The following SPIDR variants were observed in gnomAD, a reference collection of about 807,000 sequenced individuals.
SPIDR encodes the protein DNA repair-scaffolding protein.
Under a neutral mutation model 104.6 loss-of-function variants are expected in SPIDR, and 93 were observed. The ratio of observed to expected loss-of-function variants is 0.89; its 90% CI spans 0.75 to 1.06. SPIDR has a LOEUF of 1.06. SPIDR is among the 50% of genes least tolerant of loss of function. The probability of loss-of-function intolerance (pLI) is 0.00; values close to 1 mark genes in which losing one functional copy is unlikely to be tolerated. For missense variants in SPIDR, 1,154 were observed against 1,111.2 expected, an observed-to-expected ratio of 1.04 and a Z score of -0.55; for synonymous variants, 431 against 416.9, an observed-to-expected ratio of 1.03 and a Z score of -0.41.
At chr8:47,578,347 C>T (rs1265030060) in intron 8 of SPIDR, among the ~76,000 whole-genome samples, 1 of 152,098 alleles carries the variant, frequency 6.6e-6, no homozygotes, top group Non-Finnish European at 1.5e-5. Context: ...TGGCAGGCAC[C>T]TGTAATCCCA....
At chr8:47,360,038 T>G (rs2055441635) in intron 5 of SPIDR, among the ~76,000 whole-genome samples, 1 of 151,840 alleles carries the variant, frequency 6.6e-6, no homozygotes, top group Non-Finnish European at 1.5e-5. Flanking sequence ...GTCAGGAGAT[T>G]GAGACCATCC....
At chr8:47,346,677 G>A (rs2052131139) in intron 5 of SPIDR, among the ~76,000 whole-genome samples, 1 of 152,144 alleles carries the variant, frequency 6.6e-6, no homozygotes, top group Non-Finnish European at 1.5e-5. Context: ...CTTCTTCCTG[G>A]TTTAGTCTTG....
At chr8:47,502,426 G>A (rs534552755) in intron 8 of SPIDR, among the ~76,000 whole-genome samples, 37 of 152,196 alleles carry the variant, frequency 2.4e-4, no homozygotes, top group Non-Finnish European at 3.8e-4. Context: ...GTTTATTTGC[G>A]TAGAGGTGTT....
At chr8:47,312,744 T>C (rs1448003880) in intron 5 of SPIDR, among the ~76,000 whole-genome samples, 1 of 152,218 alleles carries the variant, frequency 6.6e-6, no homozygotes, top group Non-Finnish European at 1.5e-5. Context: ...CATTTGTCAA[T>C]TTTGGCTTTT....
At chr8:47,298,648 A>T (rs1216144461) in intron 5 of SPIDR, among the ~76,000 whole-genome samples, 2 of 152,176 alleles carry the variant, frequency 1.3e-5, no homozygotes, top group Non-Finnish European at 2.9e-5. Flanking sequence ...TAAGGAAGGG[A>T]TCTGGTTTCA....
rs1380252310 is a variant in SPIDR, at chr8:47,320,743, T to C, written c.525+26713T>C. Among the ~76,000 whole-genome samples the C allele has an allele frequency of 2.6e-5, 4 of 152,266 alleles. No individual in the cohort carries two copies. The East Asian group carries it at 7.7e-4, about 29-fold the overall frequency. On this transcript the variant is annotated intron_variant, in intron 5 of 19. Coordinates refer to ENST00000297423, the MANE Select transcript of SPIDR (RefSeq NM_001080394.4). ...ATCCAGCATCACATGGAAAAGCTTA[T>C]CCACCATGATCAAGTGGGCTTCATC...
At chr8:47,726,221 T>G (rs947319864) in intron 16 of SPIDR, among the ~76,000 whole-genome samples, 3 of 152,262 alleles carry the variant, frequency 2.0e-5, no homozygotes, top group Non-Finnish European at 4.4e-5. Context: ...ATTTTCATTT[T>G]TAAAAAGTCA....
intron 1 of SPIDR, among the ~76,000 whole-genome samples, chr8:47,278,544 T>G (rs2037067994): frequency 6.6e-6 from 1 of 152,032 alleles, no homozygotes; most frequent in Admixed American, 6.6e-5. Context: ...TGCTGACTAA[T>G]TTTTCTAAGG....
At chr8:47,446,600 T>TA (rs1355954904) in intron 8 of SPIDR, among the ~76,000 whole-genome samples, 5 of 150,484 alleles carry the variant, frequency 3.3e-5, no homozygotes, top group African/African-American at 1.2e-4. Flanking sequence ...TTTTTTTTTT[T>TA]AAATGAGATG....
At chr8:47,424,355 A>T (rs1489556057) in intron 7 of SPIDR, among the ~76,000 whole-genome samples, 16 of 152,316 alleles carry the variant, frequency 1.1e-4, no homozygotes, top group Admixed American at 8.5e-4. Context: ...CCCAGGCATG[A>T]GTACAGTGGC....
intron 16 of SPIDR, among the ~76,000 whole-genome samples, chr8:47,723,798 A>G (rs547404386): frequency 1.3e-4 from 20 of 152,164 alleles, no homozygotes; most frequent in Middle Eastern, 6.8e-3. Flanking sequence ...CAGCCAATCA[A>G]GTCCACTTTC....
At chr8:47,415,305 C>A (rs1359193677) in intron 7 of SPIDR, among the ~76,000 whole-genome samples, 1 of 152,104 alleles carries the variant, frequency 6.6e-6, no homozygotes, top group Admixed American at 6.5e-5. Context: ...CCCAGTTTCC[C>A]CCGGTAATGA....
intron 7 of SPIDR, among the ~76,000 whole-genome samples, chr8:47,410,660 T>A (rs563526048): frequency 2.2e-4 from 33 of 151,854 alleles, no homozygotes; most frequent in African/African-American, 5.6e-4. Flanking sequence ...AGAAGTCTTT[T>A]TTATTATTAT....
chr8:47,602,568 C>G (rs1434418103), intron 10 of SPIDR, among the ~76,000 whole-genome samples: 1 of 152,184 alleles, frequency 6.6e-6, no homozygotes, highest in East Asian at 1.9e-4. Context: ...CCCCACCCAG[C>G]CCAGGTCAGG....
chr8:47,504,647 T>C (rs1261217829), intron 8 of SPIDR, among the ~76,000 whole-genome samples: 3 of 152,076 alleles, frequency 2.0e-5, no homozygotes. Flanking sequence ...TCAAAGTCAT[T>C]CTCCGTCCAG....
intron 5 of SPIDR, among the ~76,000 whole-genome samples, chr8:47,329,659 A>T (rs2048325578): frequency 6.6e-6 from 1 of 152,054 alleles, no homozygotes; most frequent in African/African-American, 2.4e-5. Context: ...CCTCCTTTTT[A>T]TGCTATTATT....
chr8:47,403,309 C>G (rs545805975), intron 6 of SPIDR, among the ~76,000 whole-genome samples: 1 of 152,302 alleles, frequency 6.6e-6, no homozygotes, highest in Non-Finnish European at 1.5e-5. Context: ...CAGGGATGCC[C>G]TCTCTCACCA....
intron 16 of SPIDR, among the ~76,000 whole-genome samples, chr8:47,717,973 C>T (rs1455496651): frequency 6.6e-6 from 1 of 152,152 alleles, no homozygotes; most frequent in Non-Finnish European, 1.5e-5. Context: ...ATGAGAGCAG[C>T]CCTGGGGCAC....
At chr8:47,599,377 T>C (rs530354386) in intron 10 of SPIDR, among the ~76,000 whole-genome samples, 181 bp downstream of exon 10, 1 of 152,376 alleles carries the variant, frequency 6.6e-6, no homozygotes, top group African/African-American at 2.4e-5. Context: ...TTTATCTATC[T>C]ATTTAATTTT....
Sources: allele counts gnomAD v4.1 joint callset (sites outside exome capture counted in the v4.1 genomes callset), GRCh38; gene constraint gnomAD v4.1.1; transcripts MANE v1.5; gene names NCBI Gene and HGNC (gene_info 2026-07-23, HGNC 2026-07-21).